Variants in RIT2 observed in about 807,000 individuals in gnomAD.
The protein encoded by RIT2 is Ras like without CAAX 2, also known as GTP-binding protein Rit2.
In RIT2, 24 loss-of-function variants were observed where a neutral mutation model predicts 23.7. The ratio of observed to expected loss-of-function variants is 1.01; its 90% CI spans 0.73 to 1.43. The LOEUF (loss-of-function observed/expected upper bound fraction) is 1.43. Among genes scored for constraint, RIT2 ranks in the 40% most tolerant of loss-of-function variants. The pLI, the probability that RIT2 is intolerant of heterozygous loss-of-function variation, is 0.00. For missense variants in RIT2, 236 were observed against 266.9 expected, an observed-to-expected ratio of 0.88 and a Z score of 0.81; for synonymous variants, 107 against 91.1, an observed-to-expected ratio of 1.17 and a Z score of -0.99.
intron 1 of RIT2, among the ~76,000 whole-genome samples, chr18:43,043,116 C>A (rs952394995): frequency 6.6e-6 from 1 of 151,906 alleles, no homozygotes; most frequent in Admixed American, 6.6e-5. Context: ...GAAATTATAT[C>A]TTTTAAAACA....
At chr18:42,906,232 A>G (rs1908618082) in intron 4 of RIT2, among the ~76,000 whole-genome samples, 2 of 151,950 alleles carry the variant, frequency 1.3e-5, no homozygotes, top group Admixed American at 6.6e-5. Flanking sequence ...TCTGCCCATT[A>G]TTATGATTCT....
intron 4 of RIT2, among the ~76,000 whole-genome samples, chr18:42,896,921 T>C (rs1361388208): frequency 6.6e-6 from 1 of 152,232 alleles, no homozygotes; most frequent in African/African-American, 2.4e-5. Context: ...ACTATGTGAT[T>C]TTCTTTCCTT....
At chr18:43,104,765 C>CAAATA (rs1415404714) in intron 1 of RIT2, among the ~76,000 whole-genome samples, 3 of 151,998 alleles carry the variant, frequency 2.0e-5, no homozygotes, top group Non-Finnish European at 4.4e-5. Flanking sequence ...TTTACAATTT[C>CAAATA]AAATAAAAGA....
At chr18:43,062,053 C>T (rs1912659243) in intron 1 of RIT2, among the ~76,000 whole-genome samples, 1 of 152,016 alleles carries the variant, frequency 6.6e-6, no homozygotes, top group Non-Finnish European at 1.5e-5. Context: ...GATGCCACTC[C>T]CTCCCACTTG....
intron 4 of RIT2, among the ~76,000 whole-genome samples, chr18:42,854,380 G>T (rs1907130807): frequency 6.6e-6 from 1 of 152,074 alleles, no homozygotes; most frequent in Admixed American, 6.5e-5. Context: ...TAAGTAACTA[G>T]CAAGTGGGAG....
chr18:42,941,374 A>T (rs944047530), intron 3 of RIT2, among the ~76,000 whole-genome samples: 1 of 151,898 alleles, frequency 6.6e-6, no homozygotes, highest in Non-Finnish European at 1.5e-5. Flanking sequence ...CCAATGCATA[A>T]TTTTACTTAT....
At chr18:42,925,309 G>A (rs117236391) in intron 3 of RIT2, among the ~76,000 whole-genome samples, 1,614 of 151,948 alleles carry the variant, frequency 0.011, 19 homozygotes, top group Non-Finnish European at 0.019. Flanking sequence ...ATCCTATGTC[G>A]CAATCAAAAC....
intron 4 of RIT2, among the ~76,000 whole-genome samples, chr18:42,815,324 C>T (rs1198491150): frequency 6.6e-6 from 1 of 152,118 alleles, no homozygotes; most frequent in African/African-American, 2.4e-5. Context: ...ATGCAAACTG[C>T]TCTGGAAAGT....
At chr18:42,796,025 T>C (rs909932090) in intron 4 of RIT2, among the ~76,000 whole-genome samples, 7 of 152,116 alleles carry the variant, frequency 4.6e-5, no homozygotes, top group African/African-American at 1.7e-4. Context: ...TGGGGCCAGA[T>C]AAGAGAATAA....
chr18:42,848,390 G>C (rs1906964348), intron 4 of RIT2, among the ~76,000 whole-genome samples: 1 of 152,128 alleles, frequency 6.6e-6, no homozygotes, highest in Non-Finnish European at 1.5e-5. Context: ...TACAAGTTAA[G>C]TGAGTAGATA....
chr18:42,943,945 C>T (rs1201070004), intron 3 of RIT2, among the ~76,000 whole-genome samples: 1 of 152,106 alleles, frequency 6.6e-6, no homozygotes, highest in African/African-American at 2.4e-5. Flanking sequence ...TCAGAAAGGA[C>T]ATCACTATGG....
At chr18:42,802,704 ATCTTTT>A (rs1905576315) in intron 4 of RIT2, among the ~76,000 whole-genome samples, 2 of 152,266 alleles carry the variant, frequency 1.3e-5, no homozygotes, top group Admixed American at 1.3e-4. Context: ...TTGCTGAACC[ATCTTTT>A]TCTTTATTTT....
chr18:42,924,038 A>T (rs1004175390), intron 3 of RIT2, among the ~76,000 whole-genome samples: 1 of 152,052 alleles, frequency 6.6e-6, no homozygotes, highest in Non-Finnish European at 1.5e-5. Flanking sequence ...TCTAATCATT[A>T]AATTTATTTG....
chr18:42,948,194 G>A (rs146721028), intron 3 of RIT2, among the ~76,000 whole-genome samples: 70 of 152,158 alleles, frequency 4.6e-4, no homozygotes, highest in African/African-American at 1.4e-3. Flanking sequence ...ATCTTTAAGC[G>A]TAATGAGGAA....
chr18:43,053,934 T>G (rs546586458), intron 1 of RIT2, among the ~76,000 whole-genome samples: 1 of 152,052 alleles, frequency 6.6e-6, no homozygotes, highest in African/African-American at 2.4e-5. Flanking sequence ...TTGCCTACAA[T>G]AGAGTCATAC....
chr18:42,996,358 T>G (rs916939988), intron 2 of RIT2, among the ~76,000 whole-genome samples: 1 of 152,076 alleles, frequency 6.6e-6, no homozygotes. Context: ...ACTTTACCAC[T>G]ATTTCATTTT....
At chr18:43,109,774 C>G (rs1384503763) in intron 1 of RIT2, among the ~76,000 whole-genome samples, 1 of 152,144 alleles carries the variant, frequency 6.6e-6, no homozygotes, top group Non-Finnish European at 1.5e-5. Context: ...GAATAACACT[C>G]CCTCCCTGCT....
intron 4 of RIT2, among the ~76,000 whole-genome samples, chr18:42,885,269 T>C (rs1315068008): frequency 1.3e-5 from 2 of 152,186 alleles, no homozygotes; most frequent in Non-Finnish European, 2.9e-5. Context: ...TAATTACTAA[T>C]AGAAATATTC....
chr18:42,919,042 T>A (rs1328592917), intron 4 of RIT2, among the ~76,000 whole-genome samples: 1 of 152,104 alleles, frequency 6.6e-6, no homozygotes, highest in Non-Finnish European at 1.5e-5. Context: ...CCCTACATCA[T>A]ATGCACAGAT....
Sources: gnomAD v4.1 joint callset for allele counts (sites outside exome capture counted in the v4.1 genomes callset) on GRCh38, gnomAD v4.1.1 for gene constraint, MANE v1.5 for transcripts, NCBI Gene and HGNC (gene_info 2026-07-23, HGNC 2026-07-21) for gene names.